The following DLGAP2 variants were observed in gnomAD, a reference collection of about 807,000 sequenced individuals.
DLGAP2 encodes disks large-associated protein 2.
In DLGAP2, 26 loss-of-function variants were observed where a neutral mutation model predicts 100.3. That is an observed-to-expected ratio of 0.26 (90% CI 0.19 to 0.36). The LOEUF is 0.36. DLGAP2 is among the 10% of genes least tolerant of loss of function. The pLI is 1.00. For synonymous variants in DLGAP2, 886 were observed against 630.1 expected (o/e 1.41, Z -6.08); for missense variants, 1,858 against 1,453.2 (o/e 1.28, Z -4.53).
At chr8:1,507,476 A>G (rs1018643352) in intron 4 of DLGAP2, among the ~76,000 whole-genome samples, 1 of 152,040 alleles carries the variant, frequency 6.6e-6, no homozygotes, top group East Asian at 2.0e-4. Flanking sequence ...CCCACCCAGA[A>G]CTCGCGCTGG....
chr8:1,255,107 CTG>C (rs539763827), intron 2 of DLGAP2, among the ~76,000 whole-genome samples: 175 of 139,606 alleles, frequency 1.3e-3, no homozygotes, highest in Non-Finnish European at 2.1e-3. Flanking sequence ...TGCCTGGGTG[CTG>C]TGTGTGTGTC....
intron 3 of DLGAP2, chr8:1,302,116 C>T (rs888174961): frequency 2.0e-5 from 3 of 152,424 alleles, no homozygotes; most frequent in Non-Finnish European, 2.9e-5. Flanking sequence ...TCTATAAGTT[C>T]CTGAGCCTTG....
chr8:1,074,581 C>G (rs1271522791), intron 2 of DLGAP2, among the ~76,000 whole-genome samples: 1 of 152,166 alleles, frequency 6.6e-6, no homozygotes. Flanking sequence ...CCTCTTTTTG[C>G]TTCTTACCAA....
intron 3 of DLGAP2, among the ~76,000 whole-genome samples, chr8:1,414,718 C>T (rs749082342): frequency 6.6e-6 from 1 of 152,180 alleles, no homozygotes. Context: ...GTTAAATAAT[C>T]AGGTGTCTGG....
At chr8:1,197,875 C>T (rs1027270411) in intron 2 of DLGAP2, among the ~76,000 whole-genome samples, 2 of 152,164 alleles carry the variant, frequency 1.3e-5, no homozygotes, top group African/African-American at 4.8e-5. Context: ...CTCCTGGGCC[C>T]CCTGCAGTGT....
intron 3 of DLGAP2, among the ~76,000 whole-genome samples, chr8:1,446,444 G>C (rs903273203): frequency 6.6e-6 from 1 of 152,144 alleles, no homozygotes; most frequent in African/African-American, 2.4e-5. Flanking sequence ...CTGTTCCATT[G>C]ATCTATAGCT....
chr8:973,130 G>C (rs1584936821), intron 2 of DLGAP2, among the ~76,000 whole-genome samples: 1 of 152,212 alleles, frequency 6.6e-6, no homozygotes, highest in Non-Finnish European at 1.5e-5. Context: ...TGAGCTGTTG[G>C]GTACACCTCC....
intron 3 of DLGAP2, among the ~76,000 whole-genome samples, chr8:1,468,402 C>T (rs1253123939): frequency 2.6e-5 from 4 of 152,026 alleles, no homozygotes; most frequent in African/African-American, 4.8e-5. Flanking sequence ...CCTGTTCACA[C>T]GGCGTGGATC....
chr8:1,651,940 A>T (rs1327884114), intron 8 of DLGAP2, among the ~76,000 whole-genome samples: 1 of 152,186 alleles, frequency 6.6e-6, no homozygotes, highest in African/African-American at 2.4e-5. Flanking sequence ...CAGCACTCAG[A>T]GCCTCGTCAG....
At chr8:1,507,527 C>T (rs1204746350) in intron 4 of DLGAP2, among the ~76,000 whole-genome samples, 1 of 152,154 alleles carries the variant, frequency 6.6e-6, no homozygotes, top group Non-Finnish European at 1.5e-5. Context: ...TCCCCGCAAG[C>T]AGAGGGAGCC....
At chr8:947,870 C>T (rs534643658) in intron 2 of DLGAP2, among the ~76,000 whole-genome samples, 1 of 150,826 alleles carries the variant, frequency 6.6e-6, no homozygotes, top group African/African-American at 2.4e-5. Flanking sequence ...CATGGCTCCC[C>T]AACCCTGTGC....
intron 2 of DLGAP2, among the ~76,000 whole-genome samples, chr8:1,024,843 G>A (rs1279328351): frequency 3.9e-5 from 6 of 152,198 alleles, no homozygotes; most frequent in African/African-American, 7.2e-5. Flanking sequence ...TTGAAGAACC[G>A]AGATGTGACT....
intron 2 of DLGAP2, among the ~76,000 whole-genome samples, chr8:1,175,145 T>A (rs12216796): frequency 0.19 from 28,262 of 152,158 alleles, 2,804 homozygotes; most frequent in Middle Eastern, 0.35. Flanking sequence ...TCTATTTTGT[T>A]AAATGTTAAA....
chr8:928,621 A>G (rs1798871774), intron 2 of DLGAP2, among the ~76,000 whole-genome samples: 1 of 152,070 alleles, frequency 6.6e-6, no homozygotes, highest in African/African-American at 2.4e-5. Flanking sequence ...AGGAATAAAA[A>G]AAAATAAAGC....
intron 2 of DLGAP2, among the ~76,000 whole-genome samples, chr8:1,212,789 A>G (rs930896704): frequency 2.9e-5 from 3 of 105,236 alleles, no homozygotes; most frequent in Admixed American, 1.5e-4. Context: ...CATGATTAGC[A>G]TTTTAATTGG....
chr8:1,145,460 C>T lies in DLGAP2; in HGVS notation c.74-113391C>T, dbSNP rs76232998. Among the ~76,000 whole-genome samples the T allele has an allele frequency of 9.7e-3, 1,472 of 152,238 alleles. 27 individuals carry two copies. Among genetic ancestry groups the T allele is most frequent in the African/African-American group, 0.034 (1,407 of 41,534 alleles). ...TGTACATGACTCCACTGTGGTCTCC[C>T]GTCCTGTGGGTGTGCATGCTTCATC... On this transcript the variant is annotated intron_variant, in intron 2 of 14. Coordinates refer to ENST00000637795, the MANE Select transcript of DLGAP2 (RefSeq NM_001346810.2).
At chr8:1,176,001 G>T (rs1364131226) in intron 2 of DLGAP2, among the ~76,000 whole-genome samples, 1 of 152,138 alleles carries the variant, frequency 6.6e-6, no homozygotes, top group African/African-American at 2.4e-5. Flanking sequence ...CCATCCGCCC[G>T]ATAAATATTG....
At chr8:1,590,049 C>T (rs1227401236) in intron 6 of DLGAP2, among the ~76,000 whole-genome samples, 1 of 152,200 alleles carries the variant, frequency 6.6e-6, no homozygotes, top group Non-Finnish European at 1.5e-5. Context: ...GGGAGGATCC[C>T]TCCTTCCGCC....
chr8:1,085,400 G>A lies in DLGAP2; in HGVS notation c.74-173451G>A, dbSNP rs552916023. 3.5e-4 allele frequency among the ~76,000 whole-genome samples: 54 copies of A among 152,148 alleles called. 1 individual carries two copies. Among genetic ancestry groups the A allele is most frequent in the Middle Eastern group, 3.4e-3 (1 of 294 alleles). On this transcript the variant is annotated intron_variant, in intron 2 of 14. Transcript: ENST00000637795. ...CTCTGTCTATGCTTTTGTTACCTGC[G>A]CTTTTGGAATTAAATCAACCAGCAT...
Sources: allele counts gnomAD v4.1 joint callset (sites outside exome capture counted in the v4.1 genomes callset), GRCh38; gene constraint gnomAD v4.1.1; transcripts MANE v1.5; gene names NCBI Gene and HGNC (gene_info 2026-07-23, HGNC 2026-07-21).